The following FAM184B variants were observed in gnomAD, a reference collection of about 807,000 sequenced individuals.
FAM184B encodes protein FAM184B.
FAM184B carries 111 observed loss-of-function variants against 135.9 expected under a neutral mutation model. The observed-to-expected ratio is 0.82, with a 90% CI of 0.70 to 0.96. The LOEUF (loss-of-function observed/expected upper bound fraction) is 0.96. FAM184B is among the 40% of genes least tolerant of loss of function. The pLI is 0.00. For synonymous variants in FAM184B, 552 were observed against 524.8 expected (o/e 1.05, Z -0.71); for missense variants, 1,375 against 1,323.9 (o/e 1.04, Z -0.60).
At position 17,647,618 on chromosome 4, in the gene FAM184B, C is replaced by T. The variant is rs1370363376; in HGVS notation, c.2346+19G>A. 6.5e-7 allele frequency: 1 copy of T among 1,542,768 alleles called. No homozygotes were observed. The highest frequency in any genetic ancestry group is 8.8e-7 in the Non-Finnish European group (1 of 1,141,378). ...TGCTCTGGGAGGGGTATTGCTGGTG[C>T]AAGGGCGGGGGCACTGACCTCTGTG... On this transcript the variant is annotated intron_variant, in intron 12 of 17. Coordinates refer to ENST00000265018, the MANE Select transcript of FAM184B (RefSeq NM_015688.2).
intron 1 of FAM184B, among the ~76,000 whole-genome samples, chr4:17,772,023 G>T (rs1159722449): frequency 6.6e-6 from 1 of 152,148 alleles, no homozygotes; most frequent in Non-Finnish European, 1.5e-5. Flanking sequence ...AAGAGGTGGT[G>T]ATTTAGCTGA....
intron 1 of FAM184B, among the ~76,000 whole-genome samples, chr4:17,765,973 C>A (rs893243362): frequency 8.5e-5 from 13 of 152,106 alleles, no homozygotes; most frequent in South Asian, 2.1e-4. Flanking sequence ...CGGGGTTATT[C>A]ATTCCCCCCG....
chr4:17,687,136 G>A lies in FAM184B; in HGVS notation c.1596+1288C>T, dbSNP rs116463855. Among the ~76,000 whole-genome samples the A allele has an allele frequency of 6.1e-3, 924 of 152,278 alleles. 7 individuals carry two copies. The highest frequency in any genetic ancestry group is 0.021 in the African/African-American group (870 of 41,540). On this transcript the variant is annotated intron_variant, in intron 7 of 17. Transcript: ENST00000265018. ...GGGGCTGTTGGCAGGACCGGGGCCTGAGCCCTGGAAGATGGGGGTCATGGG... is the reference window on the plus strand; with the variant it reads ...GGGGCTGTTGGCAGGACCGGGGCCTAAGCCCTGGAAGATGGGGGTCATGGG...
intron 1 of FAM184B, among the ~76,000 whole-genome samples, chr4:17,766,074 G>A (rs760352187): frequency 2.1e-4 from 32 of 152,230 alleles, no homozygotes; most frequent in African/African-American, 5.8e-4. Context: ...GGCCCAAAGA[G>A]TAAGCCACAG....
At chr4:17,666,646 G>A (rs1302936657) in intron 7 of FAM184B, among the ~76,000 whole-genome samples, 1 of 151,146 alleles carries the variant, frequency 6.6e-6, no homozygotes. Context: ...TTGTTCCCTG[G>A]ACACCTTCTC....
At chr4:17,689,217 A>G (rs1012765064) in intron 6 of FAM184B, among the ~76,000 whole-genome samples, 1 of 152,208 alleles carries the variant, frequency 6.6e-6, no homozygotes, top group Admixed American at 6.5e-5. Context: ...TAAGAATTAT[A>G]TAGGTAAAAT....
At chr4:17,656,196 A>G (rs1303055143) in intron 10 of FAM184B, among the ~76,000 whole-genome samples, 1 of 152,164 alleles carries the variant, frequency 6.6e-6, no homozygotes, top group Non-Finnish European at 1.5e-5. Flanking sequence ...GGTCCACAGC[A>G]TGAAGGAATA....
At chr4:17,767,089 C>A (rs540687626) in intron 1 of FAM184B, among the ~76,000 whole-genome samples, 1 of 152,294 alleles carries the variant, frequency 6.6e-6, no homozygotes, top group African/African-American at 2.4e-5. Flanking sequence ...CAGCGCCAGC[C>A]GGCCCCTCCG....
chr4:17,732,454 A>C (rs1717804242), intron 1 of FAM184B, among the ~76,000 whole-genome samples: 1 of 152,146 alleles, frequency 6.6e-6, no homozygotes, highest in Non-Finnish European at 1.5e-5. Context: ...ACTAATAAAG[A>C]AGAAAAGAGA....
At chr4:17,640,580 T>TA (rs896099286) in intron 13 of FAM184B, among the ~76,000 whole-genome samples, 18 of 89,154 alleles carry the variant, frequency 2.0e-4, no homozygotes, top group Non-Finnish European at 1.5e-4. Flanking sequence ...TGACAAATAT[T>TA]AAAAAAAAGG....
At chr4:17,702,366 C>T (rs896196473) in intron 5 of FAM184B, among the ~76,000 whole-genome samples, 2 of 152,130 alleles carry the variant, frequency 1.3e-5, no homozygotes, top group Non-Finnish European at 2.9e-5. Context: ...AGGATGTGTA[C>T]TGTGCTGTCC....
intron 6 of FAM184B, among the ~76,000 whole-genome samples, chr4:17,691,201 T>C (rs1306582346): frequency 6.6e-6 from 1 of 152,196 alleles, no homozygotes; most frequent in African/African-American, 2.4e-5. Context: ...GACCTGCTAC[T>C]TGTTAGCTAT....
chr4:17,682,222 G>A (rs563050301), intron 7 of FAM184B, among the ~76,000 whole-genome samples: 131 of 152,184 alleles, frequency 8.6e-4, no homozygotes, highest in African/African-American at 2.9e-3. Flanking sequence ...GGAATCTTCC[G>A]GAAAAAAATT....
chr4:17,701,671 G>A (rs753917955), intron 5 of FAM184B, among the ~76,000 whole-genome samples: 8 of 152,212 alleles, frequency 5.3e-5, no homozygotes, highest in Non-Finnish European at 1.2e-4. Flanking sequence ...AGGCCATGAT[G>A]TGGACAGTGG....
chr4:17,774,757 A>T (rs1340676213), intron 1 of FAM184B, among the ~76,000 whole-genome samples: 2 of 152,176 alleles, frequency 1.3e-5, no homozygotes, highest in Non-Finnish European at 2.9e-5. Flanking sequence ...CTTTGACTAT[A>T]ATCTCAAACT....
chr4:17,638,176 A>G (rs1263050891), intron 14 of FAM184B, among the ~76,000 whole-genome samples: 2 of 38,258 alleles, frequency 5.2e-5, no homozygotes, highest in African/African-American at 1.9e-4. Flanking sequence ...GACAGGGTCT[A>G]TTTTTTTTGT....
intron 1 of FAM184B, among the ~76,000 whole-genome samples, chr4:17,712,352 C>T (rs1717298224): frequency 6.6e-6 from 1 of 152,168 alleles, no homozygotes; most frequent in African/African-American, 2.4e-5. Context: ...CATGAGACGT[C>T]CTCACTGAGA....
At chr4:17,657,384 C>T (rs908160992) in intron 10 of FAM184B, among the ~76,000 whole-genome samples, 1 of 152,180 alleles carries the variant, frequency 6.6e-6, no homozygotes, top group African/African-American at 2.4e-5. Flanking sequence ...TCAAACCTTC[C>T]TTCTTGCTCC....
chr4:17,641,219 C>T (rs1345109398), intron 13 of FAM184B, among the ~76,000 whole-genome samples: 5 of 152,124 alleles, frequency 3.3e-5, no homozygotes, highest in Admixed American at 2.0e-4. Context: ...CAGGCGTGAG[C>T]TACCACGCCA....
Sources: gnomAD v4.1 joint callset for allele counts (sites outside exome capture counted in the v4.1 genomes callset) on GRCh38, gnomAD v4.1.1 for gene constraint, MANE v1.5 for transcripts, NCBI Gene and HGNC (gene_info 2026-07-23, HGNC 2026-07-21) for gene names.